The following ERC2 variants were observed in gnomAD, a reference collection of about 807,000 sequenced individuals.
ERC2 encodes the protein ELKS/RAB6-interacting/CAST family member 2, also known as ERC protein 2.
ERC2 carries 42 observed loss-of-function variants against 114.8 expected under a neutral mutation model. That is an observed-to-expected ratio of 0.37 (90% CI 0.29 to 0.47). The LOEUF is 0.47. Ranked by LOEUF, ERC2 falls within the 20% of genes least tolerant of loss-of-function variation. The probability of loss-of-function intolerance (pLI) is 0.99; values close to 1 mark genes in which losing one functional copy is unlikely to be tolerated. For missense variants in ERC2, 939 were observed against 1,150.7 expected, an observed-to-expected ratio of 0.82 and a Z score of 2.66; for synonymous variants, 454 against 425.5, an observed-to-expected ratio of 1.07 and a Z score of -0.82.
chr3:56,090,006 G>T (rs1313518498), intron 6 of ERC2, among the ~76,000 whole-genome samples: 3 of 152,114 alleles, frequency 2.0e-5, no homozygotes, highest in Admixed American at 6.6e-5. Flanking sequence ...ACCATCAGGG[G>T]CTACTGACCT....
intron 14 of ERC2, among the ~76,000 whole-genome samples, chr3:55,820,141 G>T (rs1221961883): frequency 6.6e-6 from 1 of 152,120 alleles, no homozygotes. Flanking sequence ...TGTCCACGTG[G>T]GGTCTAGAAG....
At chr3:56,278,048 T>A (rs1560509146) in intron 3 of ERC2, among the ~76,000 whole-genome samples, 1 of 152,158 alleles carries the variant, frequency 6.6e-6, no homozygotes, top group Non-Finnish European at 1.5e-5. Context: ...TAGGCTCAGC[T>A]TTACCAGGGT....
At chr3:56,032,893 G>GAC (rs2074462549) in intron 7 of ERC2, among the ~76,000 whole-genome samples, 2 of 86,498 alleles carry the variant, frequency 2.3e-5, no homozygotes, top group African/African-American at 3.8e-5. Context: ...GAAAGAGAGA[G>GAC]AGAGAGACAG....
intron 2 of ERC2, 139 bp from the exon 3 acceptor site, chr3:56,296,574 C>T (rs1160696925): frequency 1.9e-5 from 16 of 841,952 alleles, no homozygotes; most frequent in Non-Finnish European, 2.9e-5. Context: ...TGAATTCCTC[C>T]ACGGTGACTT....
chr3:56,154,646 A>T (rs1575609437), intron 4 of ERC2, among the ~76,000 whole-genome samples: 1 of 152,298 alleles, frequency 6.6e-6, no homozygotes, highest in East Asian at 1.9e-4. Context: ...GCTCTAAGAA[A>T]AAGAGCTAAA....
At chr3:56,267,695 C>T (rs557011491) in intron 3 of ERC2, among the ~76,000 whole-genome samples, 14 of 152,122 alleles carry the variant, frequency 9.2e-5, no homozygotes, top group Non-Finnish European at 1.8e-4. Flanking sequence ...AGGAGAATCA[C>T]TTGAACCCAG....
chr3:55,619,155 T>C (rs2059235366), intron 17 of ERC2, among the ~76,000 whole-genome samples: 1 of 152,248 alleles, frequency 6.6e-6, no homozygotes, highest in East Asian at 1.9e-4. Flanking sequence ...AGTTCTTAAG[T>C]ACGGCACTTG....
intron 2 of ERC2, among the ~76,000 whole-genome samples, chr3:56,313,257 G>A (rs961355410): frequency 6.6e-6 from 1 of 151,426 alleles, no homozygotes; most frequent in Admixed American, 6.6e-5. Flanking sequence ...AGTACTTAAA[G>A]TTTTAAATTA....
rs190469567 is a variant in ERC2, at chr3:56,214,049, G to A, written c.1075-40529C>T. Among the ~76,000 whole-genome samples the A allele has an allele frequency of 3.3e-4, 50 of 152,192 alleles. No homozygotes were observed. In the East Asian group the frequency reaches 7.0e-3, roughly 21 times the overall value. On this transcript the variant is annotated intron_variant, in intron 3 of 17. Transcript: ENST00000288221. ...CAAAGGTAGATAGAACCACAAAGAT[G>A]GGGAAAAAACAGAGCAGAAAAACTG...
chr3:55,667,016 T>C (rs1483518691), intron 17 of ERC2, among the ~76,000 whole-genome samples: 1 of 152,242 alleles, frequency 6.6e-6, no homozygotes, highest in African/African-American at 2.4e-5. Flanking sequence ...ACATGTTGTA[T>C]ATTATATGTT....
At chr3:56,066,367 G>A (rs900109480) in intron 7 of ERC2, among the ~76,000 whole-genome samples, 76 of 152,296 alleles carry the variant, frequency 5.0e-4, no homozygotes, top group African/African-American at 1.8e-3. Context: ...TTTGAGAAGT[G>A]TCTGTTCATG....
intron 12 of ERC2, 59 bp from the exon 13 acceptor site, chr3:55,950,619 C>T: frequency 1.3e-6 from 2 of 1,588,884 alleles, no homozygotes; most frequent in Non-Finnish European, 8.6e-7. Flanking sequence ...TATGTTATCA[C>T]AAATAGATTC....
chr3:56,001,257 G>A (rs1159437674), intron 10 of ERC2, among the ~76,000 whole-genome samples: 14 of 152,074 alleles, frequency 9.2e-5, no homozygotes, highest in African/African-American at 1.9e-4. Flanking sequence ...TTTCTGTGCC[G>A]TGAGATGTCC....
chr3:55,538,688 T>C (rs148906959), intron 17 of ERC2, among the ~76,000 whole-genome samples: 234 of 152,298 alleles, frequency 1.5e-3, no homozygotes, highest in African/African-American at 5.6e-3. Context: ...AAAGACAAGG[T>C]AAATCCCTCT....
At chr3:56,321,106 AT>A (rs2057109013) in intron 2 of ERC2, among the ~76,000 whole-genome samples, 1 of 152,206 alleles carries the variant, frequency 6.6e-6, no homozygotes, top group African/African-American at 2.4e-5. Context: ...CAAAAGCGTA[AT>A]CCCACCATGT....
chr3:56,142,904 C>T (rs1038965045), intron 5 of ERC2, among the ~76,000 whole-genome samples: 3 of 151,842 alleles, frequency 2.0e-5, no homozygotes, highest in Non-Finnish European at 2.9e-5. Context: ...GAGAATTTGC[C>T]TCTGCCAATA....
At chr3:56,358,998 G>C (rs987345311) in intron 2 of ERC2, among the ~76,000 whole-genome samples, 11 of 152,310 alleles carry the variant, frequency 7.2e-5, no homozygotes, top group African/African-American at 2.6e-4. Flanking sequence ...AAATCACTGG[G>C]TAGGGTAGAT....
intron 6 of ERC2, among the ~76,000 whole-genome samples, chr3:56,110,252 CT>C (rs1454761950): frequency 1.3e-5 from 2 of 152,096 alleles, no homozygotes; most frequent in African/African-American, 4.8e-5. Context: ...ACACGAGCAC[CT>C]TTTAAAAAGC....
intron 4 of ERC2, among the ~76,000 whole-genome samples, chr3:56,151,730 C>G (rs1227550690): frequency 2.0e-5 from 3 of 152,116 alleles, no homozygotes; most frequent in Non-Finnish European, 4.4e-5. Flanking sequence ...GTAAGGAGTA[C>G]TATGGAAGTC....
Sources: gnomAD v4.1 joint callset for allele counts (sites outside exome capture counted in the v4.1 genomes callset) on GRCh38, gnomAD v4.1.1 for gene constraint, MANE v1.5 for transcripts, NCBI Gene and HGNC (gene_info 2026-07-23, HGNC 2026-07-21) for gene names.